Variants in CENPP observed in about 807,000 individuals in gnomAD.
CENPP encodes the protein centromere protein P.
CENPP carries 24 observed loss-of-function variants against 35.6 expected under a neutral mutation model. That is an observed-to-expected ratio of 0.67 (90% CI 0.49 to 0.95). The LOEUF is 0.95. CENPP is among the 40% of genes least tolerant of loss of function. CENPP has a pLI of 0.00. For synonymous variants in CENPP, 120 were observed against 125.5 expected (o/e 0.96, Z 0.29); for missense variants, 332 against 345.3 (o/e 0.96, Z 0.31).
intron 5 of CENPP, among the ~76,000 whole-genome samples, chr9:92,550,597 T>C (rs1849567932): frequency 6.6e-6 from 1 of 152,100 alleles, no homozygotes; most frequent in African/African-American, 2.4e-5. Context: ...TGTAGTAATA[T>C]TCAGTCCAGG....
At chr9:92,466,897 GATATTAT>G (rs1845335511) in intron 5 of CENPP, among the ~76,000 whole-genome samples, 1 of 152,144 alleles carries the variant, frequency 6.6e-6, no homozygotes, top group South Asian at 2.1e-4. Flanking sequence ...AGTGACCAGT[GATATTAT>G]CTTTATCTTA....
At chr9:92,607,156 TTAGAG>T (rs948506010) in intron 5 of CENPP, among the ~76,000 whole-genome samples, 21 of 152,146 alleles carry the variant, frequency 1.4e-4, no homozygotes, top group East Asian at 3.9e-4. Flanking sequence ...CTATGATTCA[TTAGAG>T]TAAATTTTTG....
At chr9:92,444,950 G>T (rs537167137) in intron 5 of CENPP, among the ~76,000 whole-genome samples, 48 of 152,092 alleles carry the variant, frequency 3.2e-4, no homozygotes, top group Non-Finnish European at 6.6e-4. Context: ...ACCAAACAGT[G>T]GTCCAGTCGG....
chr9:92,552,430 A>G (rs1849636397), intron 5 of CENPP, among the ~76,000 whole-genome samples: 3 of 152,322 alleles, frequency 2.0e-5, no homozygotes, highest in South Asian at 4.1e-4. Flanking sequence ...ACTGTTTCCC[A>G]TAGTGGCTGT....
intron 5 of CENPP, among the ~76,000 whole-genome samples, chr9:92,583,701 A>G (rs1564011524): frequency 6.6e-6 from 1 of 152,106 alleles, no homozygotes; most frequent in African/African-American, 2.4e-5. Context: ...TCAGTGGATA[A>G]GAGTTGTTTT....
chr9:92,574,880 G>T (rs1428215725), intron 5 of CENPP, among the ~76,000 whole-genome samples: 1 of 152,160 alleles, frequency 6.6e-6, no homozygotes, highest in Non-Finnish European at 1.5e-5. Flanking sequence ...TTGGCTAATG[G>T]AATAGAATAC....
intron 5 of CENPP, among the ~76,000 whole-genome samples, chr9:92,442,934 C>A (rs537205399): frequency 8.6e-5 from 13 of 151,674 alleles, no homozygotes; most frequent in African/African-American, 7.3e-5. Context: ...TAGAGGGTAT[C>A]TACAAAAATA....
Position 92,470,651 on chromosome 9 carries a change from A to G in CENPP, c.564+90792A>G. 3 of 1,258,544 alleles carry G rather than the reference A, an allele frequency of 2.4e-6. No homozygotes were observed. The South Asian group carries it at 4.0e-5, about 17-fold the overall frequency. 78.0% of individuals were successfully genotyped at this position (1,258,544 alleles called of 1,614,324 possible). On this transcript the variant is annotated intron_variant, in intron 5 of 7. Coordinates refer to ENST00000375587, the MANE Select transcript of CENPP (RefSeq NM_001012267.3). ...AGTTTTCACTTAAATCTTTGAAAGT[A>G]TGAGGATATATTCTTACATAAAGTG...
intron 5 of CENPP, among the ~76,000 whole-genome samples, chr9:92,589,197 G>A (rs1023326104): frequency 6.6e-6 from 1 of 151,724 alleles, no homozygotes; most frequent in Non-Finnish European, 1.5e-5. Context: ...AAATTAGCTG[G>A]GCGTGGTAAT....
At chr9:92,514,821 GTCC>G (rs769303137) in intron 5 of CENPP, 9 of 1,612,572 alleles carry the variant, frequency 5.6e-6, no homozygotes, top group Admixed American at 1.7e-5. Context: ...GGTCCTCCTC[GTCC>G]TCCTCATCCT....
intron 5 of CENPP, among the ~76,000 whole-genome samples, chr9:92,586,099 G>A (rs535892861): frequency 7.2e-5 from 11 of 152,214 alleles, no homozygotes; most frequent in Non-Finnish European, 1.5e-4. Context: ...AGGCTGGAGC[G>A]CAATGGCGCA....
chr9:92,408,131 T>A (rs1843355696), intron 5 of CENPP, among the ~76,000 whole-genome samples: 1 of 152,342 alleles, frequency 6.6e-6, no homozygotes, highest in Admixed American at 6.5e-5. Flanking sequence ...CTTCATTCTC[T>A]AACTTTGTAG....
intron 5 of CENPP, chr9:92,514,646 T>A: frequency 6.3e-7 from 1 of 1,584,800 alleles, no homozygotes. Context: ...AGCTCCAGAC[T>A]TGTTATCTGT....
At chr9:92,332,678 G>T (rs1040003558) in intron 2 of CENPP, among the ~76,000 whole-genome samples, 1 of 152,072 alleles carries the variant, frequency 6.6e-6, no homozygotes, top group Non-Finnish European at 1.5e-5. Context: ...TGTGTTGGTG[G>T]GCACCTGTAA....
chr9:92,415,001 G>T, intron 5 of CENPP: 1 of 535,350 alleles, frequency 1.9e-6, no homozygotes. Context: ...ATGAAATGAT[G>T]CAGATGTCAC....
chr9:92,352,505 G>GTGTGTGTGTATATATATA, intron 4 of CENPP, among the ~76,000 whole-genome samples: 13 of 49,752 alleles, frequency 2.6e-4, no homozygotes, highest in South Asian at 6.5e-4. Context: ...GTGTGTGTGT[G>GTGTGTGTGTATATATATA]TATACATATA....
At chr9:92,552,049 G>A (rs1049453554) in intron 5 of CENPP, among the ~76,000 whole-genome samples, 7 of 81,866 alleles carry the variant, frequency 8.6e-5, no homozygotes, top group East Asian at 4.6e-4. Context: ...GATATTATAG[G>A]TCTATCATAT....
At chr9:92,517,838 C>G (rs1261344038) in intron 5 of CENPP, 1 of 1,614,168 alleles carries the variant, frequency 6.2e-7, no homozygotes, top group Middle Eastern at 1.6e-4. Flanking sequence ...CTTTGTTGTA[C>G]ATGGTTATGC....
At chr9:92,500,722 T>C in intron 5 of CENPP, 5 of 1,595,818 alleles carry the variant, frequency 3.1e-6, no homozygotes, top group Non-Finnish European at 4.3e-6. Flanking sequence ...AAAGCCAAAA[T>C]TTACCGTATC....
Sources: gnomAD v4.1 joint callset for allele counts (sites outside exome capture counted in the v4.1 genomes callset) on GRCh38, gnomAD v4.1.1 for gene constraint, MANE v1.5 for transcripts, NCBI Gene and HGNC (gene_info 2026-07-23, HGNC 2026-07-21) for gene names.